FAM168A: variants seen among roughly 807,000 people sequenced by gnomAD.
FAM168A encodes the protein family with sequence similarity 168 member A, also known as protein FAM168A.
FAM168A carries 3 observed loss-of-function variants against 28.5 expected under a neutral mutation model. The observed-to-expected ratio is 0.11, with a 90% confidence interval of 0.05 to 0.27. FAM168A has a LOEUF of 0.27. Ranked by LOEUF, FAM168A falls within the 10% of genes least tolerant of loss-of-function variation. The probability of loss-of-function intolerance (pLI) is 1.00; values close to 1 mark genes in which losing one functional copy is unlikely to be tolerated. For synonymous variants in FAM168A, 122 were observed against 124.2 expected (o/e 0.98, Z 0.12); for missense variants, 222 against 311.5 (o/e 0.71, Z 2.16).
intron 3 of FAM168A, among the ~76,000 whole-genome samples, chr11:73,429,433 T>C (rs1416028601): frequency 6.6e-6 from 1 of 152,136 alleles, no homozygotes; most frequent in African/African-American, 2.4e-5. Context: ...AACAAGAAAA[T>C]GGGCGGGTAT....
chr11:73,534,391 T>C (rs1428302737), intron 1 of FAM168A, among the ~76,000 whole-genome samples: 1 of 151,472 alleles, frequency 6.6e-6, no homozygotes, highest in Non-Finnish European at 1.5e-5. Context: ...CTTTCATTTT[T>C]TATTTTTATT....
Position 73,584,297 on chromosome 11 carries a change from C to T in FAM168A, c.-19+13626G>A, listed in dbSNP as rs1045099647. On this transcript the variant is annotated intron_variant, in intron 1 of 7. Transcript: ENST00000356467. ...AAGCGATCCTCCCACCTCAGCCTCCCGAGTAGCTGGGACCACAGGCATGTG... is the reference window on the plus strand; with the variant it reads ...AAGCGATCCTCCCACCTCAGCCTCCTGAGTAGCTGGGACCACAGGCATGTG... 2.8e-4 allele frequency among the ~76,000 whole-genome samples: 42 copies of T among 151,658 alleles called. 2 individuals are homozygous for T. The highest frequency in any genetic ancestry group is 2.7e-3 in the Admixed American group (41 of 15,248).
At chr11:73,533,289 G>A (rs1943537030) in intron 1 of FAM168A, among the ~76,000 whole-genome samples, 1 of 152,124 alleles carries the variant, frequency 6.6e-6, no homozygotes, top group African/African-American at 2.4e-5. Context: ...ATTATAATAT[G>A]TCACTTACGT....
At chr11:73,504,563 A>G (rs1855070853) in intron 1 of FAM168A, among the ~76,000 whole-genome samples, 1 of 152,224 alleles carries the variant, frequency 6.6e-6, no homozygotes, top group African/African-American at 2.4e-5. Flanking sequence ...TGGGAATGTA[A>G]ATTAGTTCAA....
At chr11:73,497,338 G>A (rs375575748) in intron 1 of FAM168A, among the ~76,000 whole-genome samples, 125 of 152,094 alleles carry the variant, frequency 8.2e-4, no homozygotes, top group Middle Eastern at 3.4e-3. Flanking sequence ...GGTGGCGCGC[G>A]CCTGTAGTCT....
In FAM168A at chr11:73,424,494, GC is replaced by G. The variant is rs373293941; in HGVS notation, c.152-4496del. ...CTGGTCCCTCATTTATCAGCACGCT[GC>G]CCCCCCCACCTCTCACCATCTTCTA... On this transcript the variant is annotated intron_variant, in intron 3 of 7. Coordinates refer to ENST00000356467, the MANE Select transcript of FAM168A (RefSeq NM_015159.3). 2.7e-3 allele frequency among the ~76,000 whole-genome samples: 414 copies of G among 151,376 alleles called. 10 individuals carry two copies. The highest frequency in any genetic ancestry group is 0.024 in the Admixed American group (365 of 15,194).
intron 1 of FAM168A, among the ~76,000 whole-genome samples, chr11:73,545,083 C>T (rs1056482924): frequency 3.1e-5 from 4 of 127,732 alleles, no homozygotes; most frequent in African/African-American, 3.2e-5. Flanking sequence ...TGGAGTGCAG[C>T]GCCACAATCT....
intron 5 of FAM168A, among the ~76,000 whole-genome samples, chr11:73,411,047 C>T: frequency 6.6e-6 from 1 of 152,218 alleles, no homozygotes; most frequent in Non-Finnish European, 1.5e-5. Flanking sequence ...CTTGACCAAC[C>T]AATAGCTCGT....
rs1023047934 is a variant in FAM168A at position 73,411,624 on chromosome 11, C to G, written c.278-88G>C. The G allele has an allele frequency of 3.0e-6, 4 of 1,349,636 alleles. No homozygotes were observed. In the Admixed American group the frequency reaches 7.5e-5, roughly 25 times the overall value. 83.6% of individuals were successfully genotyped at this position (1,349,636 alleles called of 1,614,324 possible). A position where few individuals can be genotyped will look rare whatever the true frequency, so the allele number is the denominator to read the frequency against. On this transcript the variant is annotated intron_variant, in intron 4 of 7. Coordinates refer to ENST00000356467, the MANE Select transcript of FAM168A (RefSeq NM_015159.3). ...CAGGTCCCAGTCACGACTCCCCAGA[C>G]AAAGATGGGCTGAATCCAGGCTGGA...
intron 1 of FAM168A, among the ~76,000 whole-genome samples, chr11:73,497,339 C>T (rs1854910415): frequency 6.6e-6 from 1 of 152,028 alleles, no homozygotes. Context: ...GTGGCGCGCG[C>T]CTGTAGTCTC....
intron 1 of FAM168A, among the ~76,000 whole-genome samples, chr11:73,501,483 C>A (rs1224976934): frequency 6.6e-6 from 1 of 152,172 alleles, no homozygotes; most frequent in African/African-American, 2.4e-5. Flanking sequence ...GAAATCATAA[C>A]AAACAGTCTC....
intron 1 of FAM168A, among the ~76,000 whole-genome samples, chr11:73,472,065 G>T (rs948439372): frequency 6.6e-6 from 1 of 152,122 alleles, no homozygotes; most frequent in Admixed American, 6.5e-5. Flanking sequence ...AAGGAATCTA[G>T]GTTGTGTGCT....
At chr11:73,447,951 C>T (rs1230580552) in intron 2 of FAM168A, among the ~76,000 whole-genome samples, 3 of 152,354 alleles carry the variant, frequency 2.0e-5, no homozygotes, top group Non-Finnish European at 2.9e-5. Flanking sequence ...TTAGCTATCT[C>T]TTATATAAAA....
rs1457230536 is a variant in FAM168A, at chr11:73,496,275, TAGAAAC to T, written c.-18-27789_-18-27784del. 4.6e-5 allele frequency among the ~76,000 whole-genome samples: 7 copies of T among 152,346 alleles called. No homozygotes were observed. In the South Asian group the frequency reaches 6.2e-4, roughly 14 times the overall value. On this transcript the variant is annotated intron_variant, in intron 1 of 7. Transcript: ENST00000356467. ...GACGTATCCAAAGAAGTTAAACTCTTAGAAACAGAAAGTAAAATGGTGGTTACCAAG... is the reference window on the plus strand; with the variant it reads ...GACGTATCCAAAGAAGTTAAACTCTTAGAAAGTAAAATGGTGGTTACCAAG...
At chr11:73,563,400 A>C (rs1266072698) in intron 1 of FAM168A, among the ~76,000 whole-genome samples, 2 of 152,220 alleles carry the variant, frequency 1.3e-5, no homozygotes, top group Non-Finnish European at 2.9e-5. Context: ...CCTACACACT[A>C]TCTGGCCCAA....
intron 1 of FAM168A, among the ~76,000 whole-genome samples, chr11:73,522,214 A>AT (rs1211158306): frequency 6.6e-6 from 1 of 151,768 alleles, no homozygotes; most frequent in Non-Finnish European, 1.5e-5. Flanking sequence ...AAAAAAAAAA[A>AT]AAATGGACAT....
At chr11:73,465,019 C>T (rs972174828) in intron 2 of FAM168A, among the ~76,000 whole-genome samples, 3 of 151,770 alleles carry the variant, frequency 2.0e-5, no homozygotes, top group Non-Finnish European at 4.4e-5. Flanking sequence ...ATACTCATTG[C>T]TATGCATTAC....
At chr11:73,483,868 T>A (rs928420234) in intron 1 of FAM168A, among the ~76,000 whole-genome samples, 2 of 152,218 alleles carry the variant, frequency 1.3e-5, no homozygotes, top group African/African-American at 4.8e-5. Context: ...ATTATTTTTA[T>A]TAGCTTAGAG....
intron 1 of FAM168A, among the ~76,000 whole-genome samples, chr11:73,495,643 AC>A (rs1487045855): frequency 2.2e-4 from 34 of 152,362 alleles, no homozygotes; most frequent in Non-Finnish European, 4.7e-4. Context: ...CCAAAGATAT[AC>A]AAATGACCAA....
Sources: allele counts gnomAD v4.1 joint callset (sites outside exome capture counted in the v4.1 genomes callset), GRCh38; gene constraint gnomAD v4.1.1; transcripts MANE v1.5; gene names NCBI Gene and HGNC (gene_info 2026-07-23, HGNC 2026-07-21).